The following FRMD4A variants were observed in gnomAD, a reference collection of about 807,000 sequenced individuals.
FRMD4A encodes the protein FERM domain containing 4A, also known as FERM domain-containing protein 4A.
In FRMD4A, 29 loss-of-function variants were observed where a neutral mutation model predicts 129.1. The ratio of observed to expected loss-of-function variants is 0.22; its 90% CI spans 0.17 to 0.31. The LOEUF (loss-of-function observed/expected upper bound fraction) is 0.31. Among genes scored for constraint, FRMD4A ranks in the 10% least tolerant of loss-of-function variants. The pLI is 1.00. For missense variants in FRMD4A, 1,272 were observed against 1,375.8 expected (o/e 0.92, Z 1.19); for synonymous variants, 634 against 571.6 (o/e 1.11, Z -1.56).
intron 14 of FRMD4A, among the ~76,000 whole-genome samples, chr10:13,696,674 G>A (rs2086250773): frequency 6.6e-6 from 1 of 152,186 alleles, no homozygotes; most frequent in East Asian, 1.9e-4. Flanking sequence ...AACCCGGGAG[G>A]CGGAGGTTGC....
intron 2 of FRMD4A, among the ~76,000 whole-genome samples, chr10:13,882,702 C>T (rs545310140): frequency 5.3e-5 from 8 of 152,152 alleles, no homozygotes; most frequent in Non-Finnish European, 5.9e-5. Flanking sequence ...GGGCAAGCCA[C>T]GATACTTGAG....
At chr10:14,213,349 T>C (rs1387079730) in intron 2 of FRMD4A, among the ~76,000 whole-genome samples, 2 of 152,226 alleles carry the variant, frequency 1.3e-5, no homozygotes, top group Non-Finnish European at 2.9e-5. Flanking sequence ...CCAGGTACTC[T>C]GGTAATTGCT....
At chr10:13,791,018 G>C (rs949723304) in intron 5 of FRMD4A, among the ~76,000 whole-genome samples, 4 of 152,210 alleles carry the variant, frequency 2.6e-5, no homozygotes, top group Non-Finnish European at 4.4e-5. Flanking sequence ...CGTGCTGGAT[G>C]ATGGGCTAAG....
chr10:13,675,487 C>T (rs1468317310), intron 15 of FRMD4A, among the ~76,000 whole-genome samples: 4 of 152,144 alleles, frequency 2.6e-5, no homozygotes, highest in African/African-American at 4.8e-5. Flanking sequence ...CTGCAACCTC[C>T]GCCTCCCAGG....
At chr10:13,787,022 A>T (rs1014715052) in intron 5 of FRMD4A, among the ~76,000 whole-genome samples, 1 of 152,192 alleles carries the variant, frequency 6.6e-6, no homozygotes, top group African/African-American at 2.4e-5. Context: ...TGGAAAACTG[A>T]ATTGAGGTGG....
intron 15 of FRMD4A, among the ~76,000 whole-genome samples, chr10:13,677,890 G>A (rs1042329094): frequency 3.9e-5 from 6 of 152,180 alleles, no homozygotes; most frequent in African/African-American, 1.4e-4. Flanking sequence ...AGAAACTTGG[G>A]TCCAAGAAGA....
intron 2 of FRMD4A, among the ~76,000 whole-genome samples, chr10:14,185,641 C>CTGCAGGGGCGGT (rs1842098167): frequency 6.6e-6 from 1 of 152,144 alleles, no homozygotes; most frequent in African/African-American, 2.4e-5. Flanking sequence ...GGTCAGAGAG[C>CTGCAGGGGCGGT]TGCAGGGGCG....
At chr10:13,893,082 G>A (rs2094718888) in intron 2 of FRMD4A, among the ~76,000 whole-genome samples, 1 of 151,670 alleles carries the variant, frequency 6.6e-6, no homozygotes, top group Non-Finnish European at 1.5e-5. Flanking sequence ...TGTCACCCAG[G>A]CTGGAGTGTG....
chr10:13,702,279 G>A (rs2086905751), intron 13 of FRMD4A, among the ~76,000 whole-genome samples: 1 of 152,100 alleles, frequency 6.6e-6, no homozygotes, highest in Non-Finnish European at 1.5e-5. Context: ...CATCAGGCTG[G>A]TCTCTAACTC....
chr10:14,169,442 C>G (rs867444123), intron 2 of FRMD4A, among the ~76,000 whole-genome samples: 1 of 152,192 alleles, frequency 6.6e-6, no homozygotes, highest in Non-Finnish European at 1.5e-5. Context: ...CACACACACC[C>G]TTTTCCTATG....
At chr10:13,912,705 A>G (rs2094955690) in intron 2 of FRMD4A, among the ~76,000 whole-genome samples, 2 of 151,622 alleles carry the variant, frequency 1.3e-5, no homozygotes, top group Admixed American at 6.6e-5. Context: ...TTTTTTTTGT[A>G]TTTTTAGTAG....
chr10:14,239,258 C>T (rs1843943018), intron 2 of FRMD4A, among the ~76,000 whole-genome samples: 1 of 152,164 alleles, frequency 6.6e-6, no homozygotes, highest in Non-Finnish European at 1.5e-5. Context: ...CATGGATCTC[C>T]TTAATTTGCT....
chr10:13,768,708 C>T (rs529255204), intron 6 of FRMD4A, among the ~76,000 whole-genome samples: 53 of 152,304 alleles, frequency 3.5e-4, no homozygotes, highest in African/African-American at 1.0e-3. Flanking sequence ...GTCCCATATT[C>T]TGGTCTTAAC....
At chr10:14,028,527 A>C (rs1833086473) in intron 2 of FRMD4A, among the ~76,000 whole-genome samples, 1 of 152,174 alleles carries the variant, frequency 6.6e-6, no homozygotes. Context: ...CCCCAGGAGG[A>C]AGGTTGATGA....
At chr10:14,307,238 T>C (rs888505136) in intron 2 of FRMD4A, among the ~76,000 whole-genome samples, 4 of 152,228 alleles carry the variant, frequency 2.6e-5, no homozygotes, top group Non-Finnish European at 5.9e-5. Flanking sequence ...CAAGAATGAA[T>C]TCGAGAAAAG....
rs1294487946 is a variant in FRMD4A, at chr10:14,153,826, G to A, written c.45+176232C>T. On this transcript the variant is annotated intron_variant, in intron 2 of 24. Coordinates refer to ENST00000357447, the MANE Select transcript of FRMD4A (RefSeq NM_018027.5). ...ACCTTCTCTTTCCTTCTCATAGCAC[G>A]GCCTCCCCTCCCAGACATTATTAAT... Among the ~76,000 whole-genome samples, 5 of 152,092 alleles carry A rather than the reference G, an allele frequency of 3.3e-5. No homozygotes were observed. The East Asian group carries it at 7.7e-4, about 23-fold the overall frequency.
At chr10:13,706,598 G>A (rs1399895023) in intron 13 of FRMD4A, among the ~76,000 whole-genome samples, 1 of 152,118 alleles carries the variant, frequency 6.6e-6, no homozygotes, top group Non-Finnish European at 1.5e-5. Context: ...CGCATTGACC[G>A]TCCTGCCTGA....
chr10:14,001,213 G>C (rs4750455), intron 2 of FRMD4A, among the ~76,000 whole-genome samples: 5,494 of 152,286 alleles, frequency 0.036, 118 homozygotes, highest in Middle Eastern at 0.068. Context: ...TATCCCCAGA[G>C]ATTCTGATGT....
At position 13,646,423 on chromosome 10, in the gene FRMD4A, G is replaced by A. The variant is rs528908549; in HGVS notation, c.*615C>T. On this transcript the variant is annotated 3_prime_UTR_variant, in exon 25 of 25. Coordinates refer to ENST00000357447, the MANE Select transcript of FRMD4A (RefSeq NM_018027.5). ...TTTCTCAACCTCCCCTTCCCCCATA[G>A]CCATCCCCACAAGCTGTCCCATCAA... 71 of 152,518 alleles carry A rather than the reference G, an allele frequency of 4.7e-4. 1 individual carries two copies. The highest frequency in any genetic ancestry group is 1.7e-3 in the African/African-American group (71 of 41,488). The allele number at this position is 152,518 out of a possible 1,614,324, so 9.4% of individuals were successfully genotyped here. A position where few individuals can be genotyped will look rare whatever the true frequency, so the allele number is the denominator to read the frequency against.
Sources: allele counts gnomAD v4.1 joint callset (sites outside exome capture counted in the v4.1 genomes callset), GRCh38; gene constraint gnomAD v4.1.1; transcripts MANE v1.5; gene names NCBI Gene and HGNC (gene_info 2026-07-23, HGNC 2026-07-21).